VPS37A: variants seen among roughly 807,000 people sequenced by gnomAD.
The protein encoded by VPS37A is vacuolar protein sorting-associated protein 37A.
In VPS37A, 30 loss-of-function variants were observed where a neutral mutation model predicts 49.8. The ratio of observed to expected loss-of-function variants is 0.60; its 90% CI spans 0.45 to 0.82. The LOEUF is 0.82. Among genes scored for constraint, VPS37A ranks in the 40% least tolerant of loss-of-function variants. The probability of loss-of-function intolerance (pLI) is 0.00; values close to 1 mark genes in which losing one functional copy is unlikely to be tolerated. For synonymous variants in VPS37A, 195 were observed against 160.6 expected (o/e 1.21, Z -1.62); for missense variants, 593 against 464.4 (o/e 1.28, Z -2.55).
intron 11 of VPS37A, among the ~76,000 whole-genome samples, chr8:17,288,564 G>A (rs1249834530): frequency 6.6e-6 from 1 of 152,068 alleles, no homozygotes; most frequent in Non-Finnish European, 1.5e-5. Context: ...TCTTTTTTAT[G>A]GCTGCATAGT....
chr8:17,318,131 G>A, the VPS37A span, among the ~76,000 whole-genome samples: 2 of 152,164 alleles, frequency 1.3e-5, no homozygotes, highest in African/African-American at 2.4e-5. Flanking sequence ...GACCCTGCAT[G>A]AGGAAAACAA....
At chr8:17,276,593 G>T (rs1049059172) in intron 6 of VPS37A, 126 bp downstream of exon 6, 1 of 905,014 alleles carries the variant, frequency 1.1e-6, no homozygotes, top group South Asian at 2.0e-5. Flanking sequence ...TATTGTTGTT[G>T]CCTTAGTGGG....
chr8:17,268,308 C>T lies in VPS37A; in HGVS notation c.251C>T (p.Pro84Leu). The T allele has an allele frequency of 6.2e-7, 1 of 1,613,286 alleles. No individual in the cohort carries two copies. Among genetic ancestry groups the T allele is most frequent in the Non-Finnish European group, 8.5e-7 (1 of 1,179,746 alleles). The change falls in exon 3 of 12, where the codon CCA becomes CTA. Residue 84 changes from proline to leucine, a missense_variant. By Grantham distance (98) the Pro-to-Leu change is moderately conservative (BLOSUM62 -3). Coordinates refer to ENST00000324849, the MANE Select transcript of VPS37A (RefSeq NM_152415.3). ...PQEKPVISVY[P>L]PIRHHLMDKQ... ...GAAAAACCAGTGATCAGTGTTTATC[C>T]ACCAATACGACATCACTTAATGGAT...
rs199781923 is a variant in VPS37A, at chr8:17,280,101, A to C, written c.787A>C (p.Lys263Gln). 72 of 1,612,670 alleles carry C rather than the reference A, an allele frequency of 4.5e-5. No individual in the cohort carries two copies. In the Middle Eastern group the frequency reaches 6.9e-4, roughly 15 times the overall value. ...LEQFLTLPQL[K>Q]QIITDKDDLV... ...ACAGTTTCTGACTTTGCCTCAACTA[A>C]AACAAATTATTACCGACAAAGATGA... Residue 263 changes from lysine to glutamine, a missense_variant, in exon 7 of 12, where the codon AAA becomes CAA. Physicochemically the swap from Lys to Gln is moderately conservative, Grantham distance 53. Transcript: ENST00000324849.
chr8:17,247,663 C>T (rs1166047443), intron 1 of VPS37A: 9 of 703,700 alleles, frequency 1.3e-5, no homozygotes, highest in Admixed American at 4.0e-5. Context: ...AGTCTATTTC[C>T]AGTATCCCTT....
downstream of VPS37A, among the ~76,000 whole-genome samples, chr8:17,303,457 G>T (rs917344632): frequency 6.6e-6 from 1 of 152,146 alleles, no homozygotes; most frequent in African/African-American, 2.4e-5. Context: ...TGTTTATTCT[G>T]CATGAGTCTT....
At chr8:17,310,544 C>T in the VPS37A span, among the ~76,000 whole-genome samples, 1 of 152,144 alleles carries the variant, frequency 6.6e-6, no homozygotes, top group African/African-American at 2.4e-5. Context: ...AACCTCTTTA[C>T]TCTCCAAATG....
At chr8:17,277,619 T>C (rs1212592154) in intron 6 of VPS37A, among the ~76,000 whole-genome samples, 1 of 152,048 alleles carries the variant, frequency 6.6e-6, no homozygotes, top group Non-Finnish European at 1.5e-5. Context: ...TAAATTTTTC[T>C]ACCAGGTAAG....
chr8:17,309,107 A>G, the VPS37A span, among the ~76,000 whole-genome samples: 1 of 152,244 alleles, frequency 6.6e-6, no homozygotes, highest in Non-Finnish European at 1.5e-5. Context: ...AAAAGGAATC[A>G]GTTATAACTT....
At chr8:17,273,970 A>G (rs1366018678) in intron 4 of VPS37A, among the ~76,000 whole-genome samples, 1 of 152,188 alleles carries the variant, frequency 6.6e-6, no homozygotes, top group Non-Finnish European at 1.5e-5. Context: ...TGCCTGATCC[A>G]TATAAACTCA....
downstream of VPS37A, among the ~76,000 whole-genome samples, chr8:17,305,594 C>T (rs928383941): frequency 6.6e-6 from 1 of 152,168 alleles, no homozygotes; most frequent in Middle Eastern, 3.4e-3. Context: ...ACATTTAAAC[C>T]ATTTATGAAA....
intron 11 of VPS37A, among the ~76,000 whole-genome samples, chr8:17,291,607 G>A (rs1702086356): frequency 6.6e-6 from 1 of 151,538 alleles, no homozygotes; most frequent in South Asian, 2.1e-4. Context: ...TTCTCCTGTG[G>A]GCATTTAGTG....
chr8:17,322,595 G>A, the VPS37A span, among the ~76,000 whole-genome samples: 1 of 152,148 alleles, frequency 6.6e-6, no homozygotes, highest in Admixed American at 6.5e-5. Flanking sequence ...CAAGGCAGTA[G>A]GATTGCTTGA....
Position 17,247,137 on chromosome 8 carries a change from C to A in VPS37A, c.-108C>A. The A allele has an allele frequency of 1.4e-6, 2 of 1,466,964 alleles. No homozygotes were observed. Among genetic ancestry groups the A allele is most frequent in the African/African-American group, 1.4e-5 (1 of 71,160 alleles). 90.9% of individuals were successfully genotyped at this position (1,466,964 alleles called of 1,614,324 possible). On this transcript the variant is annotated 5_prime_UTR_variant, in exon 1 of 12. Coordinates refer to ENST00000324849, the MANE Select transcript of VPS37A (RefSeq NM_152415.3). Reference sequence around the variant, plus strand: ...AAGACGCGGTCCCCAGCGCTTGGGCCACGGACGTCCCACCCCGCTCCTCTG... The same window carrying A: ...AAGACGCGGTCCCCAGCGCTTGGGCAACGGACGTCCCACCCCGCTCCTCTG...
rs560937796 is a variant in VPS37A at position 17,255,252 on chromosome 8, G to C, written c.125+7883G>C. On this transcript the variant is annotated intron_variant, in intron 1 of 11. Transcript: ENST00000324849. ...TCCCAGCACTTTGGGAGGCTGAAGC[G>C]GGTGGATCGCCTGAGGTCAGGAGTT... is the stretch of plus-strand genomic sequence containing the variant. Among the ~76,000 whole-genome samples, 500 of 152,176 alleles carry C rather than the reference G, an allele frequency of 3.3e-3. 2 individuals carry two copies. Among genetic ancestry groups the C allele is most frequent in the African/African-American group, 0.011 (475 of 41,528 alleles).
downstream of VPS37A, chr8:17,305,635 C>T: frequency 1.4e-6 from 1 of 731,698 alleles, no homozygotes; most frequent in South Asian, 2.0e-5. Flanking sequence ...TAAAACTAAT[C>T]TGTCAGTATA....
the VPS37A span, among the ~76,000 whole-genome samples, chr8:17,312,926 T>G: frequency 1.6e-4 from 25 of 152,222 alleles, no homozygotes; most frequent in Admixed American, 1.1e-3. Flanking sequence ...ACATGACTTT[T>G]GCTTATGCCA....
intron 1 of VPS37A, among the ~76,000 whole-genome samples, chr8:17,253,390 A>G (rs1253378605): frequency 6.6e-6 from 1 of 151,988 alleles, no homozygotes; most frequent in African/African-American, 2.4e-5. Context: ...TGACCATGTC[A>G]CTCCTTTCAG....
rs775912571 is a variant in VPS37A at position 17,280,020 on chromosome 8, G to A, written c.714-8G>A. Reference sequence around the variant, plus strand: ...TATTTATTGACATTTTTTCTTTTGTGTTTCTAGTGTGTCACAACTCACAGA... The same window carrying A: ...TATTTATTGACATTTTTTCTTTTGTATTTCTAGTGTGTCACAACTCACAGA... On this transcript the variant is annotated splice_polypyrimidine_tract_variant and splice_region_variant and intron_variant, in intron 6 of 11. Transcript: ENST00000324849. 1 of 1,608,222 alleles carries A rather than the reference G, an allele frequency of 6.2e-7. No homozygotes were observed. Among genetic ancestry groups the A allele is most frequent in the Non-Finnish European group, 8.5e-7 (1 of 1,177,498 alleles).
Sources: allele counts gnomAD v4.1 joint callset (sites outside exome capture counted in the v4.1 genomes callset), GRCh38; gene constraint gnomAD v4.1.1; transcripts MANE v1.5; gene names NCBI Gene and HGNC (gene_info 2026-07-23, HGNC 2026-07-21).